Variants in GET1 observed in about 807,000 individuals in gnomAD.
GET1 encodes the protein guided entry of tail-anchored proteins factor 1, also known as congenital heart disease 5 protein.
GET1 carries 20 observed loss-of-function variants against 22.6 expected under a neutral mutation model. That is an observed-to-expected ratio of 0.89 (90% CI 0.62 to 1.29). The LOEUF is 1.29. GET1 is among the 50% of genes most tolerant of loss of function. The pLI is 0.00. For missense variants in GET1, 209 were observed against 219.9 expected, an observed-to-expected ratio of 0.95 and a Z score of 0.31; for synonymous variants, 92 against 83.8, an observed-to-expected ratio of 1.10 and a Z score of -0.53.
At chr21:39,406,426 C>T in exon 5 of GET1, 5 of 1,614,096 alleles carry the variant, frequency 3.1e-6, no homozygotes, top group Non-Finnish European at 4.2e-6. Context: ...AAACTTTTCT[C>T]TTACTAGAAC....
At chr21:39,383,119 A>G (rs1003052074) in intron 1 of GET1, among the ~76,000 whole-genome samples, 6 of 150,578 alleles carry the variant, frequency 4.0e-5, no homozygotes, top group Non-Finnish European at 7.4e-5. Flanking sequence ...ACAACCGGCT[A>G]ATTTTTTTGT....
chr21:39,401,435 A>G (rs946531214), downstream of GET1, among the ~76,000 whole-genome samples: 1 of 152,348 alleles, frequency 6.6e-6, no homozygotes, highest in Middle Eastern at 3.4e-3. Context: ...AAAGAATAAA[A>G]ATACAATACA....
chr21:39,392,822 G>A (rs372495266), intron 3 of GET1: 124 of 218,518 alleles, frequency 5.7e-4, no homozygotes, highest in African/African-American at 2.6e-3. Flanking sequence ...CCGTGTTATG[G>A]GAGACTTTGG....
chr21:39,390,394 C>G (rs2038220526), intron 1 of GET1, among the ~76,000 whole-genome samples: 1 of 152,156 alleles, frequency 6.6e-6, no homozygotes, highest in Non-Finnish European at 1.5e-5. Flanking sequence ...TTACCTAGGG[C>G]TGTCTGCCAC....
At chr21:39,410,054 T>C, downstream of GET1, 3 of 1,611,368 alleles carry the variant, frequency 1.9e-6, no homozygotes, top group South Asian at 1.1e-5. Context: ...TTTATTTCAG[T>C]TGATTTTTCT....
rs552214753 is a variant in GET1 at position 39,424,296 on chromosome 21, G to A, written c.*24-3936G>A. On this transcript the variant is annotated intron_variant, in intron 1 of 1. Coordinates refer to the GET1 transcript ENST00000478273. ...CCCAAAGTGCTGGGATTACAGGTGG[G>A]AGCCATTGTGCCCGGCCTCTACAAA... Among the ~76,000 whole-genome samples, 7 of 152,246 alleles carry A rather than the reference G, an allele frequency of 4.6e-5. No homozygotes were observed. The East Asian group carries it at 1.4e-3, about 29-fold the overall frequency.
At chr21:39,397,992 G>A (rs528771522), downstream of GET1, 1 of 152,262 alleles carries the variant, frequency 6.6e-6, no homozygotes, top group South Asian at 2.1e-4. Flanking sequence ...AAGTGCTGTG[G>A]TCCTTTATTT....
chr21:39,421,106 T>TG (rs894575243), intron 1 of GET1, among the ~76,000 whole-genome samples: 4 of 151,686 alleles, frequency 2.6e-5, no homozygotes, highest in African/African-American at 9.7e-5. Flanking sequence ...AATTCGTTTT[T>TG]TTTTTTTTTT....
downstream of GET1, among the ~76,000 whole-genome samples, chr21:39,402,781 A>G (rs1398805956): frequency 6.6e-6 from 1 of 152,192 alleles, no homozygotes; most frequent in Non-Finnish European, 1.5e-5. Context: ...AGTTATGTTC[A>G]TCATAGCAAA....
At chr21:39,407,391 T>A (rs1018702318), downstream of GET1, among the ~76,000 whole-genome samples, 1 of 152,216 alleles carries the variant, frequency 6.6e-6, no homozygotes, top group Non-Finnish European at 1.5e-5. Flanking sequence ...TGGTACAGCA[T>A]TTTTGGATGG....
chr21:39,393,397 T>G, intron 4 of GET1, 117 bp downstream of exon 4: 1 of 811,910 alleles, frequency 1.2e-6, no homozygotes, highest in Non-Finnish European at 2.0e-6. Flanking sequence ...GAGCGGGGTT[T>G]TGTGTCTCAG....
At chr21:39,423,379 G>C in intron 1 of GET1, 1 of 1,611,892 alleles carries the variant, frequency 6.2e-7, no homozygotes, top group South Asian at 1.1e-5. Context: ...AAGCCTTGCT[G>C]AGAGTATTCG....
chr21:39,420,293 A>G (rs142116571), intron 1 of GET1, among the ~76,000 whole-genome samples: 1 of 152,254 alleles, frequency 6.6e-6, no homozygotes, highest in Non-Finnish European at 1.5e-5. Context: ...AGACCAAGGC[A>G]GGTGGATCAC....
At chr21:39,410,165 T>A, downstream of GET1, 2 of 1,275,376 alleles carry the variant, frequency 1.6e-6, no homozygotes, top group Non-Finnish European at 2.3e-6. Context: ...CATTTTATTC[T>A]AATGACTACA....
At chr21:39,388,009 T>G (rs183721982) in intron 1 of GET1, among the ~76,000 whole-genome samples, 63 of 152,300 alleles carry the variant, frequency 4.1e-4, no homozygotes, top group Non-Finnish European at 7.4e-4. Context: ...TACCGATAAC[T>G]GATTTTGTTT....
At chr21:39,410,591 G>T (rs371055565), downstream of GET1, among the ~76,000 whole-genome samples, 7 of 152,194 alleles carry the variant, frequency 4.6e-5, no homozygotes, top group East Asian at 1.3e-3. Context: ...AAACAAGTAG[G>T]TGTTAGGATA....
chr21:39,393,707 T>A (rs549073182), intron 4 of GET1, among the ~76,000 whole-genome samples: 1 of 152,290 alleles, frequency 6.6e-6, no homozygotes, highest in African/African-American at 2.4e-5. Context: ...GAGTCAGTGG[T>A]GCGATCTTGG....
chr21:39,390,543 G>A (rs904875200), intron 1 of GET1, among the ~76,000 whole-genome samples, 155 bp from the exon 2 acceptor site: 9 of 152,190 alleles, frequency 5.9e-5, no homozygotes, highest in African/African-American at 1.9e-4. Flanking sequence ...TCCTGGGAAC[G>A]TTCACGGCCG....
downstream of GET1, chr21:39,410,449 T>C (rs867620126): frequency 1.7e-5 from 12 of 711,192 alleles, no homozygotes; most frequent in Admixed American, 2.7e-5. Flanking sequence ...ATAACTTTTA[T>C]GCAATGTAAT....
Sources: gnomAD v4.1 joint callset for allele counts (sites outside exome capture counted in the v4.1 genomes callset) on GRCh38, gnomAD v4.1.1 for gene constraint, MANE v1.5 for transcripts, NCBI Gene and HGNC (gene_info 2026-07-23, HGNC 2026-07-21) for gene names.